Variants in NCAM2 observed in about 807,000 individuals in gnomAD.
The protein encoded by NCAM2 is N-CAM-2.
A neutral mutation model predicts 98.1 loss-of-function variants in NCAM2; 30 were observed. The ratio of observed to expected loss-of-function variants is 0.31; its 90% CI spans 0.23 to 0.41. The LOEUF (loss-of-function observed/expected upper bound fraction) is 0.41. Among genes scored for constraint, NCAM2 ranks in the 10% least tolerant of loss-of-function variants. The probability of loss-of-function intolerance (pLI) is 1.00; values close to 1 mark genes in which losing one functional copy is unlikely to be tolerated. For synonymous variants in NCAM2, 368 were observed against 342.4 expected, an observed-to-expected ratio of 1.07 and a Z score of -0.83; for missense variants, 867 against 1,005.8, an observed-to-expected ratio of 0.86 and a Z score of 1.87.
chr21:21,522,240 A>C (rs1485813486), intron 16 of NCAM2, among the ~76,000 whole-genome samples: 1 of 137,844 alleles, frequency 7.3e-6, no homozygotes, highest in Non-Finnish European at 1.6e-5. Flanking sequence ...ATTTATGAAG[A>C]TGAATATATA....
At chr21:21,501,393 T>C (rs1378111441) in intron 15 of NCAM2, among the ~76,000 whole-genome samples, 1 of 152,000 alleles carries the variant, frequency 6.6e-6, no homozygotes, top group Non-Finnish European at 1.5e-5. Context: ...AAATATCATA[T>C]CCATTAGCTC....
chr21:21,382,555 G>A (rs529644272), intron 9 of NCAM2, among the ~76,000 whole-genome samples: 7 of 145,540 alleles, frequency 4.8e-5, no homozygotes, highest in East Asian at 2.0e-4. Flanking sequence ...TTGCTTTGTC[G>A]CCCAGGCTGG....
chr21:21,101,015 A>G (rs1209426967), intron 1 of NCAM2, among the ~76,000 whole-genome samples: 6 of 72,558 alleles, frequency 8.3e-5, no homozygotes, highest in Non-Finnish European at 1.6e-4. Flanking sequence ...AATCTAAATA[A>G]TGTGGTATTT....
chr21:21,310,527 A>C (rs1449790314), intron 5 of NCAM2, among the ~76,000 whole-genome samples: 8 of 152,208 alleles, frequency 5.3e-5, no homozygotes, highest in Non-Finnish European at 7.3e-5. Flanking sequence ...GGCAGAATTA[A>C]AAATGTTTTT....
chr21:21,537,654 T>C (rs1482102155), intron 17 of NCAM2, among the ~76,000 whole-genome samples, 192 bp from the exon 18 acceptor site: 1 of 152,128 alleles, frequency 6.6e-6, no homozygotes, highest in Non-Finnish European at 1.5e-5. Flanking sequence ...TTTTATATTA[T>C]GTTAATAAAT....
Position 21,315,364 on chromosome 21 carries a change from T to C in NCAM2, c.620-9019T>C, listed in dbSNP as rs143126743. On this transcript the variant is annotated intron_variant, in intron 5 of 17. Transcript: ENST00000400546. ...TTCCTAAGACCTTCCTACTCTATGA[T>C]CTCTGACATACTTTCCTATTTCTTA... Among the ~76,000 whole-genome samples, 470 of 152,256 alleles carry C rather than the reference T, an allele frequency of 3.1e-3. 4 individuals are homozygous for C. Among genetic ancestry groups the C allele is most frequent in the African/African-American group, 0.011 (445 of 41,554 alleles).
chr21:21,528,515 T>G (rs2146408904), intron 16 of NCAM2, among the ~76,000 whole-genome samples: 1 of 152,222 alleles, frequency 6.6e-6, no homozygotes, highest in East Asian at 1.9e-4. Flanking sequence ...TGGTCTAAAT[T>G]AAGTCTATAC....
At chr21:21,149,129 A>G (rs752024776) in intron 1 of NCAM2, among the ~76,000 whole-genome samples, 4 of 152,176 alleles carry the variant, frequency 2.6e-5, no homozygotes, top group Non-Finnish European at 5.9e-5. Context: ...AGTTTGTATA[A>G]AATCTTGAAA....
At chr21:21,446,938 G>T (rs190170247) in intron 12 of NCAM2, among the ~76,000 whole-genome samples, 1 of 152,236 alleles carries the variant, frequency 6.6e-6, no homozygotes, top group Non-Finnish European at 1.5e-5. Flanking sequence ...CATTCTCATG[G>T]ATAGGAAGAA....
chr21:21,039,332 C>T (rs1451306704), intron 1 of NCAM2, among the ~76,000 whole-genome samples: 1 of 152,124 alleles, frequency 6.6e-6, no homozygotes, highest in Non-Finnish European at 1.5e-5. Flanking sequence ...AAAAAGATAT[C>T]CCTTAATAAT....
chr21:21,274,565 T>G (rs2072652319), intron 1 of NCAM2, among the ~76,000 whole-genome samples: 1 of 152,198 alleles, frequency 6.6e-6, no homozygotes, highest in East Asian at 1.9e-4. Context: ...ATAATTATTT[T>G]GCAGCAGATA....
At position 21,178,253 on chromosome 21, in the gene NCAM2, A is replaced by G. The variant is rs180737206; in HGVS notation, c.56-102325A>G. Among the ~76,000 whole-genome samples the G allele has an allele frequency of 4.7e-3, 722 of 152,270 alleles. 1 individual carries two copies. Among genetic ancestry groups the G allele is most frequent in the Non-Finnish European group, 7.6e-3 (516 of 67,990 alleles). ...TTTTATTCCTTATAGAACAGTGATA[A>G]GGCTGAATTTCGTTGGTACTCTTGA... is the stretch of plus-strand genomic sequence containing the variant. On this transcript the variant is annotated intron_variant, in intron 1 of 17. Transcript: ENST00000400546.
intron 11 of NCAM2, among the ~76,000 whole-genome samples, chr21:21,430,077 G>GCC (rs1253811803): frequency 6.6e-6 from 1 of 151,906 alleles, no homozygotes; most frequent in Admixed American, 6.6e-5. Flanking sequence ...GCCCAGGCTG[G>GCC]ATTTGCAGGG....
intron 1 of NCAM2, among the ~76,000 whole-genome samples, chr21:21,063,589 A>AAAG (rs76352081): frequency 0.18 from 26,877 of 151,120 alleles, 2,576 homozygotes; most frequent in African/African-American, 0.19. Context: ...GAAAGTGTCA[A>AAAG]AAAAAAATAA....
chr21:21,023,515 C>A (rs928406363), intron 1 of NCAM2, among the ~76,000 whole-genome samples: 1 of 147,676 alleles, frequency 6.8e-6, no homozygotes, highest in Admixed American at 6.8e-5. Flanking sequence ...CAGAGTGAGA[C>A]TCCATTAAAA....
chr21:21,204,043 A>T (rs949060310), intron 1 of NCAM2, among the ~76,000 whole-genome samples: 1 of 152,178 alleles, frequency 6.6e-6, no homozygotes, highest in Non-Finnish European at 1.5e-5. Context: ...TACTCATTCA[A>T]CAAGTGTCTA....
At chr21:21,010,443 A>G (rs2064188598) in intron 1 of NCAM2, among the ~76,000 whole-genome samples, 1 of 152,094 alleles carries the variant, frequency 6.6e-6, no homozygotes, top group Non-Finnish European at 1.5e-5. Context: ...GCTATTATGC[A>G]ATACCCTAAG....
intron 9 of NCAM2, among the ~76,000 whole-genome samples, chr21:21,409,558 G>T (rs2076814550): frequency 6.6e-6 from 1 of 152,098 alleles, no homozygotes; most frequent in Non-Finnish European, 1.5e-5. Flanking sequence ...GAAATAAAAA[G>T]TGAGGAAAGA....
At chr21:21,432,803 G>A (rs1055711025) in intron 12 of NCAM2, among the ~76,000 whole-genome samples, 6 of 151,454 alleles carry the variant, frequency 4.0e-5, no homozygotes, top group African/African-American at 9.7e-5. Flanking sequence ...TTTCACTTAC[G>A]TAAAATTTCA....
Sources: allele counts gnomAD v4.1 joint callset (sites outside exome capture counted in the v4.1 genomes callset), GRCh38; gene constraint gnomAD v4.1.1; transcripts MANE v1.5; gene names NCBI Gene and HGNC (gene_info 2026-07-23, HGNC 2026-07-21).